Variants in ZNF24 observed in about 807,000 individuals in gnomAD.
ZNF24 encodes retinoic acid suppression protein A.
In ZNF24, 11 loss-of-function variants were observed where a neutral mutation model predicts 40.9. That is an observed-to-expected ratio of 0.27 (90% CI 0.17 to 0.45). ZNF24 has a LOEUF of 0.45. Ranked by LOEUF, ZNF24 falls within the 20% of genes least tolerant of loss-of-function variation. The probability of loss-of-function intolerance (pLI) is 1.00; values close to 1 mark genes in which losing one functional copy is unlikely to be tolerated. For synonymous variants in ZNF24, 139 were observed against 154.7 expected (o/e 0.90, Z 0.75); for missense variants, 293 against 437.7 (o/e 0.67, Z 2.95).
Position 35,338,481 on chromosome 18 carries a change from G to C in ZNF24, c.569-711C>G, listed in dbSNP as rs1224653189. The stretch of plus-strand genomic sequence containing the variant: ...AACGTGTCCAATGAAAGAAAAGCCT[G>C]AATTACCAACATGGGTTAGCATCAC... On this transcript the variant is annotated intron_variant, in intron 3 of 3. Transcript: ENST00000261332. The C allele has an allele frequency of 3.2e-5, 32 of 985,416 alleles. No individual in the cohort carries two copies. In the African/African-American group the frequency reaches 4.9e-4, roughly 15 times the overall value. 61.0% of individuals were successfully genotyped at this position (985,416 alleles called of 1,614,324 possible).
At chr18:35,338,161 G>A in intron 3 of ZNF24, 1 of 986,436 alleles carries the variant, frequency 1.0e-6, no homozygotes, top group Non-Finnish European at 1.2e-6. Context: ...CTTTGAGAAA[G>A]GGAGAAATTA....
chr18:35,341,115 A>C (rs1425946424), intron 1 of ZNF24, among the ~76,000 whole-genome samples: 1 of 152,184 alleles, frequency 6.6e-6, no homozygotes, highest in Non-Finnish European at 1.5e-5. Context: ...AATTGTACTT[A>C]CTCATACTTC....
At chr18:35,339,296 T>C (rs780834472) in intron 3 of ZNF24, among the ~76,000 whole-genome samples, 1 of 152,238 alleles carries the variant, frequency 6.6e-6, no homozygotes, top group South Asian at 2.1e-4. Context: ...GAGGCTTTTT[T>C]TGCATAAATA....
rs1481981914 is a variant in ZNF24, at chr18:35,340,274, A to T, written c.377T>A (p.Val126Glu). ...HPENGEEAVT[V>E]LEDLESELDD... ...AAGTTCACTCTCCAAATCCTCCAGC[A>T]CTGTCACTGCCTCCTCTCCATTCTC... The change falls in exon 2 of 4, where the codon GTG becomes GAG. Residue 126 changes from valine to glutamate, a missense_variant. By Grantham distance (121) the Val-to-Glu change is moderately radical. Transcript: ENST00000261332. The surrounding 1 kb of genome is among the most constrained non-coding windows in gnomAD (Gnocchi z 4.6). 1 of 1,614,038 alleles carries T rather than the reference A, an allele frequency of 6.2e-7. No homozygotes were observed.
chr18:35,342,445 C>T (rs2044978276), intron 1 of ZNF24: 2 of 152,126 alleles, frequency 1.3e-5, no homozygotes, highest in African/African-American at 2.4e-5. Flanking sequence ...ACAATAATGT[C>T]CCAGGCCTCC....
chr18:35,339,219 C>T (rs1201929807), intron 3 of ZNF24: 10 of 541,242 alleles, frequency 1.8e-5, no homozygotes, highest in African/African-American at 3.9e-5. Context: ...AGACTGGTCT[C>T]GTGAATTAAT....
At position 35,340,600 on chromosome 18, in the gene ZNF24, T is replaced by G; in HGVS notation, c.51A>C (p.Pro17=). The part of the protein sequence containing the change: ...EEDSILIIPT[P]DEEEKILRVK... ...CTCTCAGAATTTTTTCCTCTTCATCTGGAGTTGGGATGATAAGTATTGAAT... is the reference window on the plus strand; with the variant it reads ...CTCTCAGAATTTTTTCCTCTTCATCGGGAGTTGGGATGATAAGTATTGAAT... Residue 17 remains proline (P), a synonymous_variant, in exon 2 of 4, where the codon CCA becomes CCC. Coordinates refer to ENST00000261332, the MANE Select transcript of ZNF24 (RefSeq NM_006965.4). This position sits in a 1 kb window ranked among gnomAD's most constrained non-coding sequence, Gnocchi z 4.6. 1 of 1,614,166 alleles carries G rather than the reference T, an allele frequency of 6.2e-7. No individual in the cohort carries two copies. The highest frequency in any genetic ancestry group is 1.1e-5 in the South Asian group (1 of 91,088).
At position 35,337,116 on chromosome 18, in the gene ZNF24, G is replaced by T; in HGVS notation, c.*116C>A. 1.2e-6 allele frequency: 1 copy of T among 823,862 alleles called. No homozygotes were observed. Among genetic ancestry groups the T allele is most frequent in the Non-Finnish European group, 1.7e-6 (1 of 590,172 alleles). 51.0% of individuals were successfully genotyped at this position (823,862 alleles called of 1,614,324 possible). On this transcript the variant is annotated 3_prime_UTR_variant, in exon 4 of 4. Coordinates refer to ENST00000261332, the MANE Select transcript of ZNF24 (RefSeq NM_006965.4). The stretch of plus-strand genomic sequence containing the variant: ...GTGAAGATTTTTACATTTCCCAGTG[G>T]ATTTTCTGACAGTCAATAGGGAAAA...
At position 35,339,716 on chromosome 18, in the gene ZNF24, GAT is replaced by G; in HGVS notation, c.568+111_568+112del. The G allele has an allele frequency of 3.2e-6, 3 of 929,924 alleles. No individual in the cohort carries two copies. In the East Asian group the frequency reaches 8.4e-5, roughly 26 times the overall value. 57.6% of individuals were successfully genotyped at this position (929,924 alleles called of 1,614,324 possible). Reference sequence around the variant, plus strand: ...ATCAACTTAATCAGAAAAAAACTGAGATATTAGATTAAGAGTGATATGATCCC... The same window carrying G: ...ATCAACTTAATCAGAAAAAAACTGAGATTAGATTAAGAGTGATATGATCCC... On this transcript the variant is annotated intron_variant, in intron 3 of 3. Coordinates refer to ENST00000261332, the MANE Select transcript of ZNF24 (RefSeq NM_006965.4).
chr18:35,338,683 AAGGTTAG>A (rs1389126911), intron 3 of ZNF24: 51 of 1,068,782 alleles, frequency 4.8e-5, no homozygotes, highest in Middle Eastern at 4.2e-4. Context: ...GAGAGACTGA[AAGGTTAG>A]AGGAGGATAG....
At chr18:35,338,776 C>G in intron 3 of ZNF24, 2 of 1,262,228 alleles carry the variant, frequency 1.6e-6, no homozygotes, top group South Asian at 5.3e-5. Context: ...AACAGAAATT[C>G]CCAAGTGTGG....
rs1205483296 is a variant in ZNF24 at position 35,339,820 on chromosome 18, G to C, written c.568+9C>G. 3 of 1,593,648 alleles carry C rather than the reference G, an allele frequency of 1.9e-6. No homozygotes were observed. The East Asian group carries it at 6.8e-5, about 36-fold the overall frequency. ...CACCCTCTAGCCCACACAGAGTTCT[G>C]GTCCTCACCACAGTGCCTTAGGGAA... On this transcript the variant is annotated intron_variant, in intron 3 of 3. Coordinates refer to ENST00000261332, the MANE Select transcript of ZNF24 (RefSeq NM_006965.4).
In ZNF24 at chr18:35,334,957, G is replaced by GT. The variant is rs2044891602; in HGVS notation, c.*2274dup. 1 of 152,150 alleles carries GT rather than the reference G, an allele frequency of 6.6e-6. No individual in the cohort carries two copies. The highest frequency in any genetic ancestry group is 6.6e-5 in the Admixed American group (1 of 15,266). 9.4% of individuals were successfully genotyped at this position (152,150 alleles called of 1,614,324 possible). On this transcript the variant is annotated 3_prime_UTR_variant, in exon 4 of 4. Coordinates refer to ENST00000261332, the MANE Select transcript of ZNF24 (RefSeq NM_006965.4). The stretch of plus-strand genomic sequence containing the variant: ...TATTAGAGCTGCCAAGACAAAAACA[G>GT]TATTTGCCAACCCTCATACTACTTT...
intron 3 of ZNF24, chr18:35,339,150 C>T: frequency 9.7e-7 from 1 of 1,027,326 alleles, no homozygotes; most frequent in Non-Finnish European, 1.5e-6. Context: ...TAGGAATATA[C>T]TGGGCCATAT....
Position 35,340,346 on chromosome 18 carries a change from G to C in ZNF24, c.305C>G (p.Ala102Gly). The change falls in exon 2 of 4, where the codon GCC becomes GGC. Residue 102 changes from alanine (A) to glycine (G), a missense_variant. Ala to Gly is a moderately conservative substitution (Grantham distance 60). This residue lies in a region of ZNF24 where 234 missense variants were observed against 299.2 expected (regional missense o/e 0.78). Transcript: ENST00000261332. This position sits in a 1 kb window ranked among gnomAD's most constrained non-coding sequence, Gnocchi z 4.6. ...AGTCTGTAGCTCTTTGGGTAGGATG[G>C]CAACAAACTGCTCCAGCACTACCAG... Reference protein sequence around the residue: ...LELVVLEQFVAILPKELQTWV... With the variant: ...LELVVLEQFVGILPKELQTWV... 1.9e-6 allele frequency: 3 copies of C among 1,614,190 alleles called. No individual in the cohort carries two copies. Among genetic ancestry groups the C allele is most frequent in the Non-Finnish European group, 2.5e-6 (3 of 1,180,030 alleles).
chr18:35,333,198 T>C lies in ZNF24; in HGVS notation c.*4034A>G, dbSNP rs923016263. The C allele has an allele frequency of 1.3e-5, 2 of 152,086 alleles. No homozygotes were observed. Among genetic ancestry groups the C allele is most frequent in the African/African-American group, 4.8e-5 (2 of 41,416 alleles). 9.4% of individuals were successfully genotyped at this position (152,086 alleles called of 1,614,324 possible). A position where few individuals can be genotyped will look rare whatever the true frequency, so the allele number is the denominator to read the frequency against. ...AATGTAATAGCGAGAGGAAAAAAATTAAGGGAATAAATAATGGCATTTTCA... is the reference window on the plus strand; with the variant it reads ...AATGTAATAGCGAGAGGAAAAAAATCAAGGGAATAAATAATGGCATTTTCA... On this transcript the variant is annotated 3_prime_UTR_variant, in exon 4 of 4. Transcript: ENST00000261332.
chr18:35,338,031 G>T, intron 3 of ZNF24: 1 of 527,590 alleles, frequency 1.9e-6, no homozygotes, highest in Non-Finnish European at 2.7e-6. Context: ...TCAGAAAGAT[G>T]GTAGATTCTA....
chr18:35,343,932 AG>A (rs2044992539), intron 1 of ZNF24: 1 of 152,736 alleles, frequency 6.5e-6, no homozygotes, highest in Non-Finnish European at 1.5e-5. Flanking sequence ...AGATGACCAA[AG>A]GCCACCCTGT....
intron 1 of ZNF24, among the ~76,000 whole-genome samples, chr18:35,343,506 A>G (rs1214031104): frequency 6.6e-6 from 1 of 152,134 alleles, no homozygotes; most frequent in Non-Finnish European, 1.5e-5. Flanking sequence ...CAGGGCCCAA[A>G]ATCTGAACAA....
Sources: allele counts gnomAD v4.1 joint callset (sites outside exome capture counted in the v4.1 genomes callset), GRCh38; gene constraint gnomAD v4.1.1; regional missense constraint gnomAD v4.1.1; non-coding constraint Gnocchi (gnomAD v3.1); transcripts MANE v1.5; gene names NCBI Gene and HGNC (gene_info 2026-07-23, HGNC 2026-07-21).